The following RGS6 variants were observed in gnomAD, a reference collection of about 807,000 sequenced individuals.
RGS6 encodes regulator of G protein signaling 6, also known as regulator of G-protein signaling 6.
In RGS6, 30 loss-of-function variants were observed where a neutral mutation model predicts 78.5. That is an observed-to-expected ratio of 0.38 (90% CI 0.29 to 0.52). The LOEUF (loss-of-function observed/expected upper bound fraction) is 0.52, where lower values mean the gene tolerates loss of function less well. Among genes scored for constraint, RGS6 ranks in the 20% least tolerant of loss-of-function variants. The pLI is 0.85. For synonymous variants in RGS6, 206 were observed against 206.0 expected (o/e 1.00, Z 0.00); for missense variants, 495 against 609.7 (o/e 0.81, Z 1.98).
chr14:72,173,656 C>T (rs891833641), intron 2 of RGS6, among the ~76,000 whole-genome samples: 1 of 152,130 alleles, frequency 6.6e-6, no homozygotes, highest in Non-Finnish European at 1.5e-5. Flanking sequence ...TCCTCAAGAG[C>T]TGTTTATCTG....
intron 17 of RGS6, among the ~76,000 whole-genome samples, chr14:72,542,966 C>G (rs1377571031): frequency 6.6e-6 from 1 of 151,540 alleles, no homozygotes; most frequent in African/African-American, 2.4e-5. Context: ...CCTGGTACTC[C>G]CCAGTCAATA....
intron 12 of RGS6, among the ~76,000 whole-genome samples, chr14:72,482,789 A>G (rs1214971520): frequency 2.0e-5 from 3 of 152,216 alleles, no homozygotes; most frequent in African/African-American, 7.2e-5. Context: ...GTTACCTTTT[A>G]TTGGCTAAAA....
intron 2 of RGS6, among the ~76,000 whole-genome samples, chr14:72,064,451 G>T (rs187493481): frequency 8.3e-4 from 126 of 152,318 alleles, no homozygotes; most frequent in African/African-American, 2.7e-3. Context: ...GGGGAAAAAT[G>T]TATTTTTCAA....
chr14:71,890,327 T>A, the RGS6 span, among the ~76,000 whole-genome samples: 1 of 148,206 alleles, frequency 6.7e-6, no homozygotes, highest in Non-Finnish European at 1.5e-5. Flanking sequence ...GGCTCTTAGA[T>A]AGTTTGCTGT....
In RGS6 at chr14:71,986,182, T is replaced by G. The variant is rs563186709; in HGVS notation, c.84+21307T>G. On this transcript the variant is annotated intron_variant, in intron 2 of 17. Coordinates refer to ENST00000553525, the MANE Select transcript of RGS6 (RefSeq NM_001204424.2). ...GTTCTCGAACTGCCCACTCACCCCT[T>G]TCAACCTTCCATTTTGTGCCTCACT... 1.7e-4 allele frequency among the ~76,000 whole-genome samples: 26 copies of G among 152,294 alleles called. No individual in the cohort carries two copies. In the South Asian group the frequency reaches 5.0e-3, roughly 29 times the overall value.
At chr14:72,328,062 G>T (rs1706014784) in intron 2 of RGS6, among the ~76,000 whole-genome samples, 1 of 152,146 alleles carries the variant, frequency 6.6e-6, no homozygotes, top group African/African-American at 2.4e-5. Flanking sequence ...CCAAGAACCA[G>T]CAGCTCTGAT....
rs923455542 is a variant in RGS6 at position 72,301,423 on chromosome 14, A to AT, written c.85-50661dup. Among the ~76,000 whole-genome samples, 27 of 147,514 alleles carry AT rather than the reference A, an allele frequency of 1.8e-4. No homozygotes were observed. The South Asian group carries it at 2.2e-3, about 12-fold the overall frequency. Reference sequence around the variant, plus strand: ...TGTATTTATCGTTAGCTCTTGAAGGATTTTTTTTTTTAGTTGATAGAGTCA... The same window carrying AT: ...TGTATTTATCGTTAGCTCTTGAAGGATTTTTTTTTTTTAGTTGATAGAGTCA... On this transcript the variant is annotated intron_variant, in intron 2 of 17. Coordinates refer to ENST00000553525, the MANE Select transcript of RGS6 (RefSeq NM_001204424.2).
At chr14:72,384,539 T>C (rs981133285) in intron 3 of RGS6, among the ~76,000 whole-genome samples, 3 of 152,206 alleles carry the variant, frequency 2.0e-5, no homozygotes, top group Non-Finnish European at 4.4e-5. Context: ...TCAGTTTTAT[T>C]AAAGATCACT....
the RGS6 span, among the ~76,000 whole-genome samples, chr14:71,871,163 G>T: frequency 0.012 from 1,832 of 152,240 alleles, 21 homozygotes; most frequent in African/African-American, 0.029. Flanking sequence ...GGCTCTACCT[G>T]CTATTTGGGG....
the RGS6 span, among the ~76,000 whole-genome samples, chr14:71,890,364 G>C: frequency 1.1e-4 from 16 of 150,818 alleles, no homozygotes; most frequent in East Asian, 5.8e-4. Context: ...AAGACAGAGA[G>C]AGAGAGAGAG....
At chr14:72,455,778 CT>C (rs1323831611) in intron 4 of RGS6, among the ~76,000 whole-genome samples, 1 of 152,192 alleles carries the variant, frequency 6.6e-6, no homozygotes, top group Non-Finnish European at 1.5e-5. Context: ...TGAGTGTCCG[CT>C]TGGAAAGCCT....
chr14:72,308,031 A>G (rs2067662734), intron 2 of RGS6, among the ~76,000 whole-genome samples: 1 of 152,172 alleles, frequency 6.6e-6, no homozygotes, highest in Admixed American at 6.5e-5. Context: ...GCTGATTTCT[A>G]GATATGAGCT....
intron 2 of RGS6, among the ~76,000 whole-genome samples, chr14:71,988,266 C>T (rs962088037): frequency 2.6e-5 from 4 of 152,102 alleles, no homozygotes; most frequent in African/African-American, 7.2e-5. Context: ...AACTTCATTG[C>T]GTTGCTGGGA....
At chr14:72,162,696 G>T (rs916323555) in intron 2 of RGS6, among the ~76,000 whole-genome samples, 3 of 152,108 alleles carry the variant, frequency 2.0e-5, no homozygotes, top group African/African-American at 7.2e-5. Context: ...ACTTGTATAT[G>T]CATATTTATG....
At chr14:71,951,924 A>C (rs1035234856) in intron 1 of RGS6, among the ~76,000 whole-genome samples, 1 of 152,170 alleles carries the variant, frequency 6.6e-6, no homozygotes, top group Non-Finnish European at 1.5e-5. Flanking sequence ...AAAAAATACA[A>C]TTGAGTTTTA....
At chr14:72,060,811 A>G (rs1178426715) in intron 2 of RGS6, among the ~76,000 whole-genome samples, 8 of 152,266 alleles carry the variant, frequency 5.3e-5, no homozygotes, top group Non-Finnish European at 1.0e-4. Flanking sequence ...AAAAAATGTA[A>G]TGTAGTTTAA....
intron 15 of RGS6, among the ~76,000 whole-genome samples, chr14:72,520,170 C>G (rs2097015867): frequency 6.6e-6 from 1 of 152,130 alleles, no homozygotes; most frequent in East Asian, 1.9e-4. Context: ...AAAAAAGATC[C>G]TTTTGTTTTA....
intron 16 of RGS6, chr14:72,537,484 C>T (rs755146328): frequency 2.8e-6 from 2 of 702,350 alleles, no homozygotes; most frequent in South Asian, 1.5e-5. Flanking sequence ...CAGTTGTCAG[C>T]AGCTCTCTGG....
At chr14:72,122,743 T>G (rs939027369) in intron 2 of RGS6, among the ~76,000 whole-genome samples, 37 of 150,640 alleles carry the variant, frequency 2.5e-4, no homozygotes, top group Non-Finnish European at 3.4e-4. Context: ...AGTTATCGTT[T>G]TTTTTTTTTT....
Sources: allele counts gnomAD v4.1 joint callset (sites outside exome capture counted in the v4.1 genomes callset), GRCh38; gene constraint gnomAD v4.1.1; transcripts MANE v1.5; gene names NCBI Gene and HGNC (gene_info 2026-07-23, HGNC 2026-07-21).